The following CACNG2 variants were observed in gnomAD, a reference collection of about 807,000 sequenced individuals.
CACNG2 encodes calcium voltage-gated channel auxiliary subunit gamma 2, also known as voltage-dependent calcium channel gamma-2 subunit.
Under a neutral mutation model 25.9 loss-of-function variants are expected in CACNG2, and 3 were observed. The observed-to-expected ratio is 0.12, with a 90% CI of 0.05 to 0.30. The LOEUF is 0.30. CACNG2 is among the 10% of genes least tolerant of loss of function. The pLI, the probability that CACNG2 is intolerant of heterozygous loss-of-function variation, is 1.00. For missense variants in CACNG2, 341 were observed against 432.5 expected, an observed-to-expected ratio of 0.79 and a Z score of 1.88; for synonymous variants, 167 against 173.3, an observed-to-expected ratio of 0.96 and a Z score of 0.29.
intron 1 of CACNG2, among the ~76,000 whole-genome samples, chr22:36,614,110 T>C (rs573599564): frequency 7.0e-4 from 107 of 152,294 alleles, no homozygotes; most frequent in Middle Eastern, 3.4e-3. Context: ...TCCCCATTCC[T>C]ACAGGATGAC....
At chr22:36,633,632 C>G (rs1285373920) in intron 1 of CACNG2, among the ~76,000 whole-genome samples, 1 of 152,176 alleles carries the variant, frequency 6.6e-6, no homozygotes, top group Non-Finnish European at 1.5e-5. Context: ...GGCAGTTTGA[C>G]CTATGGTGAG....
At chr22:36,612,004 A>G (rs947996702) in intron 1 of CACNG2, among the ~76,000 whole-genome samples, 6 of 152,230 alleles carry the variant, frequency 3.9e-5, no homozygotes, top group African/African-American at 1.4e-4. Flanking sequence ...GTGAAGATTA[A>G]AGAGCATAAA....
chr22:36,617,574 T>C (rs1936042398), intron 1 of CACNG2, among the ~76,000 whole-genome samples: 1 of 150,228 alleles, frequency 6.7e-6, no homozygotes, highest in South Asian at 2.2e-4. Context: ...ATCTGCCCCA[T>C]AGGCTTATTA....
intron 2 of CACNG2, 33 bp from the exon 3 acceptor site, chr22:36,566,526 A>G: frequency 1.2e-6 from 2 of 1,613,132 alleles, no homozygotes; most frequent in East Asian, 2.2e-5. Context: ...GAGAAAGAGA[A>G]CGGCATGGCT....
intron 1 of CACNG2, among the ~76,000 whole-genome samples, chr22:36,697,782 G>T (rs113169605): frequency 7.9e-4 from 121 of 152,300 alleles, no homozygotes; most frequent in African/African-American, 2.6e-3. Flanking sequence ...GGTTCTGCTG[G>T]AGCTAAACAG....
chr22:36,593,000 C>G (rs1935619854), intron 1 of CACNG2, among the ~76,000 whole-genome samples: 1 of 152,178 alleles, frequency 6.6e-6, no homozygotes, highest in Non-Finnish European at 1.5e-5. Context: ...TCTCTTGCCC[C>G]CATCCTTGGG....
intron 1 of CACNG2, among the ~76,000 whole-genome samples, chr22:36,655,456 T>G (rs1405961433): frequency 6.6e-6 from 1 of 152,230 alleles, no homozygotes; most frequent in Non-Finnish European, 1.5e-5. Flanking sequence ...CCACTCTGTA[T>G]GCCAATTTGT....
At chr22:36,592,242 G>T (rs888107946) in intron 1 of CACNG2, among the ~76,000 whole-genome samples, 1 of 150,872 alleles carries the variant, frequency 6.6e-6, no homozygotes, top group Non-Finnish European at 1.5e-5. Flanking sequence ...AGGCGGGGGT[G>T]GGGGGTGGAG....
chr22:36,630,949 G>A (rs1343160364), intron 1 of CACNG2, among the ~76,000 whole-genome samples: 2 of 152,064 alleles, frequency 1.3e-5, no homozygotes, highest in Non-Finnish European at 2.9e-5. Flanking sequence ...TTCTGCCTCG[G>A]CCTCCCAAGT....
intron 1 of CACNG2, among the ~76,000 whole-genome samples, chr22:36,674,646 A>T (rs1019587710): frequency 2.6e-5 from 4 of 152,068 alleles, no homozygotes; most frequent in African/African-American, 9.7e-5. Context: ...GTTGATAAGG[A>T]CTCTTTTAAT....
chr22:36,587,608 C>G (rs1265325922), intron 1 of CACNG2, 60 bp from the exon 2 acceptor site: 1 of 1,151,760 alleles, frequency 8.7e-7, no homozygotes, highest in Non-Finnish European at 1.3e-6. Context: ...CGCTTAGGGC[C>G]CACCTGCCTC....
chr22:36,699,925 G>A (rs965369392), intron 1 of CACNG2, among the ~76,000 whole-genome samples: 11 of 152,214 alleles, frequency 7.2e-5, no homozygotes, highest in Non-Finnish European at 1.5e-5. Flanking sequence ...ACTTCCTAAG[G>A]TGGTCCCAGG....
chr22:36,587,580 ACAT>A lies in CACNG2; in HGVS notation c.212-35_212-33del, dbSNP rs370916035. ...AACAAGGGGAGAAGGAGCACATGAA[ACAT>A]CATAGTTTTGGGGGCGCTTAGGGCC... On this transcript the variant is annotated intron_variant, in intron 1 of 3. Transcript: ENST00000300105. The A allele has an allele frequency of 1.3e-4, 193 of 1,539,718 alleles. No individual in the cohort carries two copies. The East Asian group carries it at 2.6e-3, about 21-fold the overall frequency.
intron 1 of CACNG2, among the ~76,000 whole-genome samples, chr22:36,594,831 G>GGT (rs56826491): frequency 1.1e-4 from 16 of 146,256 alleles, no homozygotes; most frequent in African/African-American, 3.8e-4. Context: ...TGTGTACATC[G>GGT]GTGTGTGTGT....
chr22:36,668,218 G>A (rs1324320377), intron 1 of CACNG2, among the ~76,000 whole-genome samples: 1 of 152,198 alleles, frequency 6.6e-6, no homozygotes, highest in African/African-American at 2.4e-5. Context: ...ATCATGCACG[G>A]CCCGTGCCTC....
chr22:36,583,522 A>G (rs17808379), intron 2 of CACNG2, among the ~76,000 whole-genome samples: 3,938 of 152,182 alleles, frequency 0.026, 128 homozygotes, highest in Admixed American at 0.086. Context: ...GATGCTCTAC[A>G]TGGGTTGGAA....
At chr22:36,672,896 C>A (rs1936971674) in intron 1 of CACNG2, among the ~76,000 whole-genome samples, 2 of 152,230 alleles carry the variant, frequency 1.3e-5, no homozygotes, top group Non-Finnish European at 2.9e-5. Flanking sequence ...TATCTCCAGG[C>A]ACAGGGCTGG....
At chr22:36,680,916 A>G (rs1937113657) in intron 1 of CACNG2, among the ~76,000 whole-genome samples, 1 of 151,758 alleles carries the variant, frequency 6.6e-6, no homozygotes, top group African/African-American at 2.4e-5. Flanking sequence ...CACCAGCAGC[A>G]CATCTGAAAA....
chr22:36,582,338 C>T (rs1407291196), intron 2 of CACNG2, among the ~76,000 whole-genome samples: 1 of 152,134 alleles, frequency 6.6e-6, no homozygotes, highest in Non-Finnish European at 1.5e-5. Flanking sequence ...GGGCTCAGTC[C>T]TATTCCTCAG....
Sources: allele counts gnomAD v4.1 joint callset (sites outside exome capture counted in the v4.1 genomes callset), GRCh38; gene constraint gnomAD v4.1.1; transcripts MANE v1.5; gene names NCBI Gene and HGNC (gene_info 2026-07-23, HGNC 2026-07-21).